The following RFTN1 variants were observed in gnomAD, a reference collection of about 807,000 sequenced individuals.
The protein encoded by RFTN1 is raftlin, lipid raft linker 1.
RFTN1 carries 26 observed loss-of-function variants against 46.5 expected under a neutral mutation model. The ratio of observed to expected loss-of-function variants is 0.56; its 90% CI spans 0.41 to 0.78. The LOEUF (loss-of-function observed/expected upper bound fraction) is 0.78, where lower values mean the gene tolerates loss of function less well. RFTN1 is among the 30% of genes least tolerant of loss of function. The pLI, the probability that RFTN1 is intolerant of heterozygous loss-of-function variation, is 0.00. For synonymous variants in RFTN1, 261 were observed against 284.2 expected (o/e 0.92, Z 0.82); for missense variants, 693 against 718.7 (o/e 0.96, Z 0.41).
rs1481585097 is a variant in RFTN1 at position 16,512,241 on chromosome 3, C to T, written c.-9+1201G>A. Among the ~76,000 whole-genome samples, 2 of 152,098 alleles carry T rather than the reference C, an allele frequency of 1.3e-5. No individual in the cohort carries two copies. The highest frequency in any genetic ancestry group is 4.8e-5 in the African/African-American group (2 of 41,402). ...GCCCAGAGGTCGCTCACATTACACC[C>T]GGCTTCCTTCCTGGCAAGGCCTTAA... On this transcript the variant is annotated intron_variant, in intron 1 of 9. Transcript: ENST00000334133. The surrounding 1 kb of genome is among the most constrained non-coding windows in gnomAD (Gnocchi z 4.3).
intron 1 of RFTN1, among the ~76,000 whole-genome samples, chr3:16,510,404 C>G (rs192769045): frequency 7.3e-4 from 111 of 152,338 alleles, no homozygotes; most frequent in African/African-American, 2.5e-3. Flanking sequence ...TCTTTCACAA[C>G]CAAGGGTACA....
At position 16,321,252 on chromosome 3, in the gene RFTN1, G is replaced by C. The variant is rs1357263768; in HGVS notation, c.1332+2124C>G. On this transcript the variant is annotated intron_variant, in intron 9 of 9. Coordinates refer to ENST00000334133, the MANE Select transcript of RFTN1 (RefSeq NM_015150.2). The surrounding 1 kb of genome is among the most constrained non-coding windows in gnomAD (Gnocchi z 4.8). Reference sequence around the variant, plus strand: ...GGGTGCAGTGAGGGCTGAAAATGCAGGCGGAATGGTCATTGGCACAGAGGT... The same window carrying C: ...GGGTGCAGTGAGGGCTGAAAATGCACGCGGAATGGTCATTGGCACAGAGGT... 6.6e-6 allele frequency among the ~76,000 whole-genome samples: 1 copy of C among 152,176 alleles called. No homozygotes were observed. Among genetic ancestry groups the C allele is most frequent in the Non-Finnish European group, 1.5e-5 (1 of 68,028 alleles).
In RFTN1 at chr3:16,398,244, CAAAAAAAAAA is replaced by C. The variant is rs202032095; in HGVS notation, c.441+11121_441+11130del. ...CCTGGGTGACAGAGAAAGACTGTCT[CAAAAAAAAAA>C]AAAAAAAAAAAAAAAAAAAGAAGCA... On this transcript the variant is annotated intron_variant, in intron 4 of 9. Coordinates refer to ENST00000334133, the MANE Select transcript of RFTN1 (RefSeq NM_015150.2). Among the ~76,000 whole-genome samples the C allele has an allele frequency of 1.3e-3, 142 of 110,932 alleles. 1 individual carries two copies. The East Asian group carries it at 0.016, about 13-fold the overall frequency. The allele number at this position is 110,932 out of a possible 152,430, so 72.8% of individuals were successfully genotyped here. A position where few individuals can be genotyped will look rare whatever the true frequency, so the allele number is the denominator to read the frequency against.
In RFTN1 at chr3:16,342,399, C is replaced by T. The variant is rs922568305; in HGVS notation, c.1147-15523G>A. Among the ~76,000 whole-genome samples the T allele has an allele frequency of 3.3e-5, 5 of 152,148 alleles. No individual in the cohort carries two copies. Among genetic ancestry groups the T allele is most frequent in the Non-Finnish European group, 7.3e-5 (5 of 68,036 alleles). On this transcript the variant is annotated intron_variant, in intron 7 of 9. Transcript: ENST00000334133. The surrounding 1 kb of genome is among the most constrained non-coding windows in gnomAD (Gnocchi z 4.0). ...TCCTTTTTATTGCAAAATAATATTC[C>T]ATCATATGGATATACCATAGTTTAT...
At position 16,342,048 on chromosome 3, in the gene RFTN1, T is replaced by C. The variant is rs750291675; in HGVS notation, c.1147-15172A>G. On this transcript the variant is annotated intron_variant, in intron 7 of 9. Coordinates refer to ENST00000334133, the MANE Select transcript of RFTN1 (RefSeq NM_015150.2). This position sits in a 1 kb window ranked among gnomAD's most constrained non-coding sequence, Gnocchi z 4.0. Reference sequence around the variant, plus strand: ...TTTTTTCAACATCTTTATTGATATATAATTGGATATCTTAAAATTCACCTA... The same window carrying C: ...TTTTTTCAACATCTTTATTGATATACAATTGGATATCTTAAAATTCACCTA... Among the ~76,000 whole-genome samples the C allele has an allele frequency of 7.9e-5, 12 of 152,244 alleles. No homozygotes were observed. The highest frequency in any genetic ancestry group is 1.2e-4 in the Non-Finnish European group (8 of 68,046).
Position 16,353,401 on chromosome 3 carries a change from A to G in RFTN1, c.1146+4531T>C, listed in dbSNP as rs1474679241. ...CTTCAAAGAGCTGAGGTGCGGGGGA[A>G]CCTGTCCCGGACTGGACATTGCTGG... is the stretch of plus-strand genomic sequence containing the variant. On this transcript the variant is annotated intron_variant, in intron 7 of 9. Transcript: ENST00000334133. This position sits in a 1 kb window ranked among gnomAD's most constrained non-coding sequence, Gnocchi z 5.4. 6.6e-6 allele frequency among the ~76,000 whole-genome samples: 1 copy of G among 152,148 alleles called. No homozygotes were observed. Among genetic ancestry groups the G allele is most frequent in the East Asian group, 1.9e-4 (1 of 5,186 alleles).
intron 4 of RFTN1, among the ~76,000 whole-genome samples, chr3:16,389,493 T>C (rs2074296586): frequency 1.9e-5 from 1 of 52,424 alleles, no homozygotes; most frequent in Admixed American, 1.6e-4. Flanking sequence ...TGGGTTTTTT[T>C]TCGGGGGGGA....
chr3:16,455,658 A>G lies in RFTN1; in HGVS notation c.146-21621T>C, dbSNP rs182462673. ...GGGGGTGGAGGTGTCTGCTGTGTTC[A>G]AAGGACAGTGGCACTGAAAACTCAG... On this transcript the variant is annotated intron_variant, in intron 2 of 9. Transcript: ENST00000334133. Among the ~76,000 whole-genome samples the G allele has an allele frequency of 3.0e-4, 46 of 152,288 alleles. 1 individual carries two copies. Among genetic ancestry groups the G allele is most frequent in the Admixed American group, 2.8e-3 (43 of 15,298 alleles).
At position 16,322,772 on chromosome 3, in the gene RFTN1, G is replaced by A. The variant is rs1330383132; in HGVS notation, c.1332+604C>T. On this transcript the variant is annotated intron_variant, in intron 9 of 9. Coordinates refer to ENST00000334133, the MANE Select transcript of RFTN1 (RefSeq NM_015150.2). The surrounding 1 kb of genome is among the most constrained non-coding windows in gnomAD (Gnocchi z 6.2). ...CCAGTCTCTGTGCGACTGTTTCTAG[G>A]GTAGTTCAGAGTCCGGAGAGGGGGA... is the stretch of plus-strand genomic sequence containing the variant. Among the ~76,000 whole-genome samples the A allele has an allele frequency of 6.6e-6, 1 of 152,122 alleles. No individual in the cohort carries two copies. The highest frequency in any genetic ancestry group is 1.5e-5 in the Non-Finnish European group (1 of 68,012).
rs1193991776 is a variant in RFTN1, at chr3:16,425,160, C to T, written c.332+8691G>A. On this transcript the variant is annotated intron_variant, in intron 3 of 9. Coordinates refer to ENST00000334133, the MANE Select transcript of RFTN1 (RefSeq NM_015150.2). The surrounding 1 kb of genome is among the most constrained non-coding windows in gnomAD (Gnocchi z 4.3). ...ACTAAATTACCTACACTTATGCATACGATTCTCAAAATCATGTCCCTGTAG... is the reference window on the plus strand; with the variant it reads ...ACTAAATTACCTACACTTATGCATATGATTCTCAAAATCATGTCCCTGTAG... Among the ~76,000 whole-genome samples the T allele has an allele frequency of 2.6e-5, 4 of 152,288 alleles. No homozygotes were observed. The East Asian group carries it at 5.8e-4, about 22-fold the overall frequency.
rs79874167 is a variant in RFTN1 at position 16,320,848 on chromosome 3, T to C, written c.1332+2528A>G. ...GGGCCACAGTACTGATTTCCATCTT[T>C]GTCTTCAGAGTCATACAAAACTAGA... On this transcript the variant is annotated intron_variant, in intron 9 of 9. Transcript: ENST00000334133. The surrounding 1 kb of genome is among the most constrained non-coding windows in gnomAD (Gnocchi z 4.5). Among the ~76,000 whole-genome samples, 2,914 of 152,326 alleles carry C rather than the reference T, an allele frequency of 0.019. 81 individuals carry two copies. Among genetic ancestry groups the C allele is most frequent in the East Asian group, 0.1 (538 of 5,180 alleles).
chr3:16,443,221 C>A lies in RFTN1; in HGVS notation c.146-9184G>T, dbSNP rs1485504750. On this transcript the variant is annotated intron_variant, in intron 2 of 9. Transcript: ENST00000334133. The surrounding 1 kb of genome is among the most constrained non-coding windows in gnomAD (Gnocchi z 5.5). The stretch of plus-strand genomic sequence containing the variant: ...GCAAGGGTTCTCTTATACTTCACAT[C>A]CTCACCAACACTTCTTATCTCTTGT... Among the ~76,000 whole-genome samples, 1 of 152,186 alleles carries A rather than the reference C, an allele frequency of 6.6e-6. No homozygotes were observed. Among genetic ancestry groups the A allele is most frequent in the African/African-American group, 2.4e-5 (1 of 41,450 alleles).
chr3:16,492,284 G>A (rs186350540), intron 2 of RFTN1, among the ~76,000 whole-genome samples: 11 of 152,254 alleles, frequency 7.2e-5, no homozygotes, highest in East Asian at 5.8e-4. Context: ...TGGAGCCTCC[G>A]CACGGAGACA....
intron 9 of RFTN1, among the ~76,000 whole-genome samples, chr3:16,323,098 G>C (rs1232001556): frequency 3.3e-5 from 5 of 152,138 alleles, no homozygotes; most frequent in Non-Finnish European, 7.4e-5. Context: ...TTTCATCCTA[G>C]TGGGAATATC....
rs2076423987 is a variant in RFTN1 at position 16,484,944 on chromosome 3, G to A, written c.145+8781C>T. The A allele has an allele frequency of 6.6e-6, 1 of 152,162 alleles. No homozygotes were observed. The highest frequency in any genetic ancestry group is 1.5e-5 in the Non-Finnish European group (1 of 68,032). The allele number at this position is 152,162 out of a possible 1,614,324, so 9.4% of individuals were successfully genotyped here. A position where few individuals can be genotyped will look rare whatever the true frequency, so the allele number is the denominator to read the frequency against. On this transcript the variant is annotated intron_variant, in intron 2 of 9. Transcript: ENST00000334133. The surrounding 1 kb of genome is among the most constrained non-coding windows in gnomAD (Gnocchi z 4.6). ...TTTAGAAGAGATTAATACAACAGTA[G>A]GTGCTGAATAAAAAGTAACTCTGAT...
chr3:16,470,371 G>A (rs982192580), intron 2 of RFTN1, among the ~76,000 whole-genome samples: 15 of 152,228 alleles, frequency 9.9e-5, no homozygotes, highest in African/African-American at 2.9e-4. Flanking sequence ...TGCACTGGGC[G>A]AGGTTTTGTC....
intron 5 of RFTN1, among the ~76,000 whole-genome samples, chr3:16,372,567 A>G (rs968827918): frequency 1.3e-5 from 2 of 152,224 alleles, no homozygotes; most frequent in African/African-American, 4.8e-5. Context: ...GTGTGGGAGA[A>G]GTAGGTGGGG....
chr3:16,377,724 A>G lies in RFTN1; in HGVS notation c.820T>C (p.Ser274Pro), dbSNP rs1559306307. The part of the protein sequence containing the change: ...NPLEVHEEPL[S>P]GKMEIFTLFN... ...CCATTGCTGACATACTTACTCCCTG[A>G]GAGTGGCTCTTCATGCACCTCCAAG... The change falls in exon 5 of 10, where the codon TCA becomes CCA. Residue 274 changes from serine (S) to proline (P), a missense_variant. Physicochemically the swap from Ser to Pro is moderately conservative, Grantham distance 74 (BLOSUM62 -1). Coordinates refer to ENST00000334133, the MANE Select transcript of RFTN1 (RefSeq NM_015150.2). 6.3e-7 allele frequency: 1 copy of G among 1,590,530 alleles called. No homozygotes were observed. The highest frequency in any genetic ancestry group is 8.6e-7 in the Non-Finnish European group (1 of 1,162,484).
chr3:16,392,308 C>G (rs1375465838), intron 4 of RFTN1, among the ~76,000 whole-genome samples: 1 of 152,174 alleles, frequency 6.6e-6, no homozygotes, highest in Non-Finnish European at 1.5e-5. Context: ...ATACAGCAGG[C>G]AGCCTAACTG....
Sources: gnomAD v4.1 joint callset for allele counts (sites outside exome capture counted in the v4.1 genomes callset) on GRCh38, gnomAD v4.1.1 for gene constraint, Gnocchi (gnomAD v3.1) non-coding constraint, MANE v1.5 for transcripts, NCBI Gene and HGNC (gene_info 2026-07-23, HGNC 2026-07-21) for gene names.